B4GALT1: variants seen among roughly 807,000 people sequenced by gnomAD.
The protein encoded by B4GALT1 is beta-1,4-galactosyltransferase 1.
In B4GALT1, 16 loss-of-function variants were observed where a neutral mutation model predicts 34.9. That is an observed-to-expected ratio of 0.46 (90% CI 0.31 to 0.70). The LOEUF is 0.70. Among genes scored for constraint, B4GALT1 ranks in the 30% least tolerant of loss-of-function variants. The pLI, the probability that B4GALT1 is intolerant of heterozygous loss-of-function variation, is 0.05. For missense variants in B4GALT1, 445 were observed against 530.5 expected (o/e 0.84, Z 1.58); for synonymous variants, 221 against 218.1 (o/e 1.01, Z -0.12).
intron 2 of B4GALT1, among the ~76,000 whole-genome samples, chr9:33,125,600 C>A (rs1840079648): frequency 6.6e-6 from 1 of 152,182 alleles, no homozygotes; most frequent in Non-Finnish European, 1.5e-5. Context: ...CACTTCCATG[C>A]CCCACCTGCT....
At chr9:33,145,277 G>A (rs185467152) in intron 1 of B4GALT1, among the ~76,000 whole-genome samples, 90 of 152,178 alleles carry the variant, frequency 5.9e-4, no homozygotes, top group South Asian at 1.2e-3. Context: ...TTGTGGCAAC[G>A]GATGGCCTAA....
At chr9:33,119,030 T>C (rs950705769) in intron 3 of B4GALT1, among the ~76,000 whole-genome samples, 1 of 151,916 alleles carries the variant, frequency 6.6e-6, no homozygotes, top group African/African-American at 2.4e-5. Flanking sequence ...CCTGGCTAAT[T>C]TTTGTATTTT....
intron 1 of B4GALT1, among the ~76,000 whole-genome samples, chr9:33,151,051 G>C (rs1196734599): frequency 3.3e-5 from 5 of 152,188 alleles, no homozygotes; most frequent in Non-Finnish European, 7.3e-5. Flanking sequence ...CTGTACAAAG[G>C]AGGGGGACCC....
the B4GALT1 span, among the ~76,000 whole-genome samples, chr9:33,174,958 T>TAAAAAA: frequency 1.5e-4 from 2 of 13,356 alleles, no homozygotes; most frequent in Non-Finnish European, 1.2e-4. Context: ...GACTCTGTCT[T>TAAAAAA]AAAAAAAAAA....
intron 1 of B4GALT1, among the ~76,000 whole-genome samples, chr9:33,163,129 T>C (rs926119277): frequency 7.2e-5 from 11 of 152,094 alleles, no homozygotes; most frequent in African/African-American, 2.7e-4. Flanking sequence ...AGCCTCAAAG[T>C]ACACTCTGTC....
the B4GALT1 span, among the ~76,000 whole-genome samples, chr9:33,184,459 G>A: frequency 7.4e-4 from 113 of 152,086 alleles, no homozygotes; most frequent in Admixed American, 3.6e-3. Context: ...AAGCTCTGTC[G>A]CCTGCAAGAC....
intron 4 of B4GALT1, among the ~76,000 whole-genome samples, chr9:33,114,884 G>T (rs1460517337): frequency 1.4e-4 from 22 of 152,214 alleles, no homozygotes; most frequent in Non-Finnish European, 3.2e-4. Context: ...CGTTAGCATG[G>T]GACTAGATGC....
intron 1 of B4GALT1, among the ~76,000 whole-genome samples, chr9:33,163,261 C>A (rs571446926): frequency 6.6e-6 from 1 of 152,336 alleles, no homozygotes; most frequent in South Asian, 2.1e-4. Flanking sequence ...CAAACCCTGG[C>A]AGACGCTCAG....
chr9:33,170,524 AGAT>A (rs2118372689), upstream of B4GALT1, among the ~76,000 whole-genome samples: 1 of 152,296 alleles, frequency 6.6e-6, no homozygotes, highest in East Asian at 1.9e-4. Context: ...CCATTGGTAT[AGAT>A]GATAGCCAGG....
rs1265482827 is a variant in B4GALT1 at position 33,113,813 on chromosome 9, C to T, written c.1025G>A (p.Arg342His). 3.1e-6 allele frequency: 5 copies of T among 1,614,018 alleles called. No homozygotes were observed. Among genetic ancestry groups the T allele is most frequent in the Admixed American group, 1.7e-5 (1 of 60,000 alleles). The change falls in exon 5 of 6, where the codon CGC (arginine) becomes CAC (histidine). Residue 342 changes from arginine to histidine, a missense_variant. Physicochemically the swap from Arg to His is conservative, Grantham distance 29. Transcript: ENST00000379731. ...NAVVGRCRMI[R>H]HSRDKKNEPN... ...TTCATTTTTCTTGTCTCTTGAGTGGCGGATCATGCGACACCTCCCGACCAC... is the reference window on the plus strand; with the variant it reads ...TTCATTTTTCTTGTCTCTTGAGTGGTGGATCATGCGACACCTCCCGACCAC...
the B4GALT1 span, among the ~76,000 whole-genome samples, chr9:33,174,982 AAAAAAAAAATATATAT>A: frequency 5.7e-4 from 10 of 17,488 alleles, no homozygotes; most frequent in African/African-American, 1.2e-3. Context: ...AAAAAAAAAA[AAAAAAAAAATATATAT>A]ATATATATAT....
In B4GALT1 at chr9:33,120,531, T is replaced by A. The variant is rs773748270; in HGVS notation, c.724A>T (p.Thr242Ser). The A allele has an allele frequency of 9.3e-6, 15 of 1,614,094 alleles. No individual in the cohort carries two copies. The highest frequency in any genetic ancestry group is 1.3e-5 in the Non-Finnish European group (15 of 1,180,052). The change falls in exon 3 of 6, where the codon ACC (threonine) becomes TCC (serine). Residue 242 changes from threonine to serine, a missense_variant. This residue lies in a region of B4GALT1 where 349 missense variants were observed against 395.5 expected (regional missense o/e 0.88). Transcript: ENST00000379731. ...TCCACGTCACTAAACACAAAGCAGG[T>A]GTAGTCATAGTCCTTCAAGGCTTCT... ...FQEALKDYDY[T>S]CFVFSDVDLI...
downstream of B4GALT1, among the ~76,000 whole-genome samples, chr9:33,105,880 G>GTT (rs35330697): frequency 9.8e-3 from 840 of 85,732 alleles, 31 homozygotes; most frequent in African/African-American, 0.034. Context: ...GGACTCGTGG[G>GTT]TTTTTTTTTT....
intron 2 of B4GALT1, among the ~76,000 whole-genome samples, chr9:33,122,754 G>C (rs1162703454): frequency 6.6e-6 from 1 of 152,166 alleles, no homozygotes; most frequent in Non-Finnish European, 1.5e-5. Context: ...GAGTGAAGGA[G>C]CCCAAAGGCA....
At chr9:33,178,847 G>A in the B4GALT1 span, 11 of 152,216 alleles carry the variant, frequency 7.2e-5, 1 homozygote, top group Non-Finnish European at 1.0e-4. Context: ...AGCAAATAAC[G>A]ACCAAATTGA....
chr9:33,105,587 A>G (rs955870152), intron 2 of B4GALT1, among the ~76,000 whole-genome samples: 3 of 152,132 alleles, frequency 2.0e-5, no homozygotes, highest in African/African-American at 7.2e-5. Flanking sequence ...ATCTTCCCCA[A>G]CTAAAACTCT....
At chr9:33,136,993 C>T (rs1179570803) in intron 1 of B4GALT1, among the ~76,000 whole-genome samples, 4 of 63,124 alleles carry the variant, frequency 6.3e-5, no homozygotes, top group Non-Finnish European at 9.4e-5. Flanking sequence ...CACTTCCACC[C>T]CCTTCCCCAG....
intron 2 of B4GALT1, among the ~76,000 whole-genome samples, chr9:33,122,447 C>T (rs974066173): frequency 1.4e-4 from 21 of 152,024 alleles, no homozygotes; most frequent in African/African-American, 4.8e-4. Flanking sequence ...GTTGAGGTTG[C>T]AGTGAGCCAT....
At chr9:33,158,763 C>T (rs1490543976) in intron 1 of B4GALT1, among the ~76,000 whole-genome samples, 2 of 152,216 alleles carry the variant, frequency 1.3e-5, no homozygotes, top group Non-Finnish European at 2.9e-5. Context: ...CCCAGGCTTC[C>T]TCTCTCTGAC....
Sources: gnomAD v4.1 joint callset for allele counts (sites outside exome capture counted in the v4.1 genomes callset) on GRCh38, gnomAD v4.1.1 for gene constraint, gnomAD v4.1.1 regional missense constraint, MANE v1.5 for transcripts, NCBI Gene and HGNC (gene_info 2026-07-23, HGNC 2026-07-21) for gene names.